Variants in FANCB observed in about 807,000 individuals in gnomAD.
FANCB encodes Fanconi anemia group B protein.
FANCB carries 5 observed loss-of-function variants against 38.9 expected under a neutral mutation model. The ratio of observed to expected loss-of-function variants is 0.13; its 90% confidence interval spans 0.07 to 0.27. The LOEUF (loss-of-function observed/expected upper bound fraction) is 0.27. Among genes scored for constraint, FANCB ranks in the 10% least tolerant of loss-of-function variants. The pLI, the probability that FANCB is intolerant of heterozygous loss-of-function variation, is 1.00. For missense variants in FANCB, 573 were observed against 602.7 expected, an observed-to-expected ratio of 0.95 and a Z score of 0.52; for synonymous variants, 236 against 215.4, an observed-to-expected ratio of 1.10 and a Z score of -0.84.
At chrX:14,722,792 C>G in the FANCB span, among the ~76,000 whole-genome samples, 13 of 111,559 alleles carry the variant, frequency 1.2e-4, no homozygotes, top group Non-Finnish European at 2.4e-4. Context: ...GGGATCCCAC[C>G]AGCTGACCTA....
the FANCB span, among the ~76,000 whole-genome samples, chrX:14,718,729 T>C: frequency 8.9e-6 from 1 of 111,941 alleles, no homozygotes; most frequent in Non-Finnish European, 1.9e-5. Flanking sequence ...TGGCTTGACT[T>C]CCTCACAGCA....
the FANCB span, among the ~76,000 whole-genome samples, chrX:14,813,790 A>G: frequency 8.9e-6 from 1 of 111,844 alleles, no homozygotes; most frequent in African/African-American, 3.3e-5. Flanking sequence ...CCATCAAGCT[A>G]CCAATGCCTT....
At position 14,843,893 on chromosome X, in the gene FANCB, C is replaced by T; in HGVS notation, c.2254G>A (p.Glu752Lys). 8.3e-7 allele frequency: 1 copy of T among 1,205,429 alleles called. No individual in the cohort carries two copies. ...CFLKNLKSGS[E>K]NFLIDNMAFT... is the part of the protein sequence containing the mutation. ...GCCATATTATCAATTAGGAAATTCT[C>T]ACTTCCTGATTTTAGATTTTTGAGG... Residue 752 changes from glutamate to lysine, a missense_variant, in exon 10 of 10, where the codon GAG (glutamate) becomes AAG (lysine). Physicochemically the swap from Glu to Lys is moderately conservative, Grantham distance 56. Transcript: ENST00000650831.
the FANCB span, among the ~76,000 whole-genome samples, chrX:14,756,368 C>T: frequency 9.0e-6 from 1 of 111,716 alleles, no homozygotes; most frequent in African/African-American, 3.3e-5. Context: ...AGATAATGCT[C>T]AATAAAATGA....
chrX:14,826,794 G>T, the FANCB span, among the ~76,000 whole-genome samples: 1 of 112,064 alleles, frequency 8.9e-6, no homozygotes, highest in South Asian at 3.6e-4. Context: ...TTTTGTATGT[G>T]ACTGAATTTC....
the FANCB span, among the ~76,000 whole-genome samples, chrX:14,701,861 TGTATCAACTA>T: frequency 8.9e-6 from 1 of 112,422 alleles, no homozygotes; most frequent in Non-Finnish European, 1.9e-5. Flanking sequence ...AAAGAAAACT[TGTATCAACTA>T]GTGTCCTTTT....
the FANCB span, among the ~76,000 whole-genome samples, chrX:14,808,754 A>G: frequency 2.7e-5 from 3 of 112,409 alleles, no homozygotes; most frequent in Non-Finnish European, 5.6e-5. Flanking sequence ...CATCTACATT[A>G]GAAAGGAAGA....
the FANCB span, among the ~76,000 whole-genome samples, chrX:14,743,917 C>T: frequency 3.2e-3 from 361 of 111,750 alleles, 1 homozygote; most frequent in African/African-American, 0.011. Flanking sequence ...CTCTAAAACT[C>T]CCTCTCCTTA....
chrX:14,804,426 T>A, the FANCB span, among the ~76,000 whole-genome samples: 3 of 111,137 alleles, frequency 2.7e-5, no homozygotes, highest in South Asian at 1.1e-3. Flanking sequence ...TAGGTGGGAA[T>A]TGAACAATGA....
the FANCB span, among the ~76,000 whole-genome samples, chrX:14,809,683 C>T: frequency 2.4e-3 from 266 of 112,812 alleles, 1 homozygote; most frequent in African/African-American, 8.1e-3. Flanking sequence ...CTGGGAAGCT[C>T]GAACTGGGTG....
At chrX:14,773,410 T>C in the FANCB span, among the ~76,000 whole-genome samples, 1 of 111,772 alleles carries the variant, frequency 8.9e-6, no homozygotes, top group African/African-American at 3.3e-5. Context: ...AATATTACTA[T>C]GGGAATCAGA....
chrX:14,779,680 G>A, the FANCB span, among the ~76,000 whole-genome samples: 3 of 106,075 alleles, frequency 2.8e-5, no homozygotes. Context: ...CCAGTCTCAG[G>A]TATTTTGTTG....
chrX:14,848,993 C>T (rs1010993923), intron 7 of FANCB, among the ~76,000 whole-genome samples: 1 of 111,019 alleles, frequency 9.0e-6, no homozygotes, highest in African/African-American at 3.3e-5. Flanking sequence ...AGAGAGAGCC[C>T]CGTTGCATTG....
chrX:14,736,071 G>A, the FANCB span, among the ~76,000 whole-genome samples: 3 of 111,090 alleles, frequency 2.7e-5, no homozygotes, highest in African/African-American at 6.5e-5. Flanking sequence ...CAGTAATGGC[G>A]GACACCCCTC....
chrX:14,741,475 A>T, the FANCB span, among the ~76,000 whole-genome samples: 1 of 111,380 alleles, frequency 9.0e-6, no homozygotes, highest in Non-Finnish European at 1.9e-5. Context: ...TGTACTAGTA[A>T]CTCACTTTCC....
Position 14,843,876 on chromosome X carries a change from A to G in FANCB, c.2271T>C (p.Asp757=), listed in dbSNP as rs2092363730. The G allele has an allele frequency of 8.3e-7, 1 of 1,207,562 alleles. No homozygotes were observed. The highest frequency in any genetic ancestry group is 1.1e-6 in the Non-Finnish European group (1 of 892,712). Residue 757 remains aspartate (D), a synonymous_variant, in exon 10 of 10, where the codon GAT becomes GAC. Coordinates refer to ENST00000650831, the MANE Select transcript of FANCB (RefSeq NM_001018113.3). The part of the protein sequence containing the change: ...LKSGSENFLI[D]NMAFTLEKEL... ...CCTTCTCCAAAGTAAATGCCATATT[A>G]TCAATTAGGAAATTCTCACTTCCTG...
Position 14,857,956 on chromosome X carries a change from TAATA to T in FANCB, c.1105-6_1105-3del, listed in dbSNP as rs398123537. The T allele has an allele frequency of 2.0e-4, 208 of 1,063,841 alleles. No individual in the cohort carries two copies. The highest frequency in any genetic ancestry group is 2.2e-4 in the Non-Finnish European group (167 of 766,368). 87.7% of individuals were successfully genotyped at this position (1,063,841 alleles called of 1,213,427 possible). ...TTCATTGCAATCTGATGGTTCACTC[TAATA>T]AATAAATAAATAAATAAATACACTA... is the stretch of plus-strand genomic sequence containing the variant. On this transcript the variant is annotated splice_polypyrimidine_tract_variant and splice_region_variant and intron_variant, in intron 4 of 9. Transcript: ENST00000650831.
At chrX:14,803,701 T>TCTTC in the FANCB span, among the ~76,000 whole-genome samples, 1 of 111,672 alleles carries the variant, frequency 9.0e-6, no homozygotes, top group Non-Finnish European at 1.9e-5. Flanking sequence ...CTTTTTTCTT[T>TCTTC]CTTTCTTTCT....
downstream of FANCB, among the ~76,000 whole-genome samples, chrX:14,841,144 T>C (rs1011661897): frequency 1.8e-5 from 2 of 112,268 alleles, no homozygotes; most frequent in African/African-American, 6.5e-5. Flanking sequence ...TGTTTATGTA[T>C]CAGTATTCTT....
Sources: allele counts gnomAD v4.1 joint callset (sites outside exome capture counted in the v4.1 genomes callset), GRCh38; gene constraint gnomAD v4.1.1; transcripts MANE v1.5; gene names NCBI Gene and HGNC (gene_info 2026-07-23, HGNC 2026-07-21).